Variants in GDAP1 observed in about 807,000 individuals in gnomAD.
The protein encoded by GDAP1 is ganglioside-induced differentiation-associated protein 1.
In GDAP1, 34 loss-of-function variants were observed where a neutral mutation model predicts 40.1. The observed-to-expected ratio is 0.85, with a 90% CI of 0.64 to 1.13. The LOEUF (loss-of-function observed/expected upper bound fraction) is 1.13. GDAP1 is among the 50% of genes most tolerant of loss of function. GDAP1 has a pLI of 0.00. For missense variants in GDAP1, 374 were observed against 433.7 expected, an observed-to-expected ratio of 0.86 and a Z score of 1.22; for synonymous variants, 170 against 157.4, an observed-to-expected ratio of 1.08 and a Z score of -0.60.
At chr8:74,448,826 A>G (rs912967419) in intron 2 of GDAP1, among the ~76,000 whole-genome samples, 2 of 152,070 alleles carry the variant, frequency 1.3e-5, no homozygotes, top group Non-Finnish European at 2.9e-5. Context: ...ATGCATTACA[A>G]GTATTTTCTC....
intron 2 of GDAP1, among the ~76,000 whole-genome samples, chr8:74,478,847 C>T (rs76709820): frequency 0.32 from 49,378 of 151,948 alleles, 9,340 homozygotes; most frequent in Non-Finnish European, 0.41. Context: ...ATGGTGAGAG[C>T]GGTTGCTCTT....
At chr8:74,422,347 TTCTTC>T (rs1563465520) in intron 2 of GDAP1, among the ~76,000 whole-genome samples, 1,653 of 40,392 alleles carry the variant, frequency 0.041, 34 homozygotes, top group African/African-American at 0.11. Context: ...CTTTCTTTCT[TTCTTC>T]CCTTCCTTCC....
chr8:74,383,857 TCAC>T (rs1809989183), intron 2 of GDAP1, among the ~76,000 whole-genome samples: 1 of 152,074 alleles, frequency 6.6e-6, no homozygotes, highest in South Asian at 2.1e-4. Context: ...ACACATACAC[TCAC>T]AAATATAACA....
chr8:74,353,506 C>T (rs1808970363), intron 2 of GDAP1, among the ~76,000 whole-genome samples: 1 of 126,984 alleles, frequency 7.9e-6, no homozygotes, highest in South Asian at 2.9e-4. Context: ...TTAAAAACAG[C>T]GTTATCACAA....
At chr8:74,424,047 G>C (rs929537192) in intron 2 of GDAP1, among the ~76,000 whole-genome samples, 4 of 152,038 alleles carry the variant, frequency 2.6e-5, no homozygotes, top group Admixed American at 2.6e-4. Flanking sequence ...GTGGGGGATT[G>C]GTTCCAGGAC....
chr8:74,469,598 A>AG (rs1806519519), intron 2 of GDAP1, among the ~76,000 whole-genome samples: 12 of 146,390 alleles, frequency 8.2e-5, no homozygotes, highest in South Asian at 2.2e-4. Context: ...AACCCCGGGG[A>AG]GCGGAGCTTG....
intron 2 of GDAP1, among the ~76,000 whole-genome samples, chr8:74,428,257 C>T (rs1486668416): frequency 6.6e-6 from 1 of 151,086 alleles, no homozygotes; most frequent in African/African-American, 2.5e-5. Context: ...ACAACAATAA[C>T]AACAACAACA....
At chr8:74,397,758 G>A (rs1810234470) in intron 2 of GDAP1, among the ~76,000 whole-genome samples, 3 of 152,106 alleles carry the variant, frequency 2.0e-5, no homozygotes, top group Admixed American at 6.5e-5. Flanking sequence ...GGTTACTGTA[G>A]CCTTGTAGTA....
At chr8:74,370,227 C>T (rs183212028), downstream of GDAP1, among the ~76,000 whole-genome samples, 111 of 152,106 alleles carry the variant, frequency 7.3e-4, no homozygotes, top group Non-Finnish European at 1.3e-3. Flanking sequence ...CTGTTTAGAA[C>T]AAGAATAATA....
chr8:74,486,336 C>T (rs559970270), intron 2 of GDAP1, among the ~76,000 whole-genome samples: 7 of 152,298 alleles, frequency 4.6e-5, no homozygotes, highest in African/African-American at 1.7e-4. Context: ...CAGGCGGTCA[C>T]TCTATTTTGC....
intron 1 of GDAP1, 40 bp downstream of exon 1, chr8:74,350,618 G>C (rs1490470202): frequency 8.1e-7 from 1 of 1,231,330 alleles, no homozygotes; most frequent in South Asian, 1.2e-5. Flanking sequence ...CGCGGATCGG[G>C]CTTCAGCACT....
At chr8:74,382,707 G>T (rs1421693316) in intron 2 of GDAP1, among the ~76,000 whole-genome samples, 2 of 151,998 alleles carry the variant, frequency 1.3e-5, no homozygotes, top group Non-Finnish European at 2.9e-5. Flanking sequence ...ACAAATGGAA[G>T]GCTGGAGCTT....
At position 74,364,382 on chromosome 8, in the gene GDAP1, TGTC is replaced by T; in HGVS notation, c.*18_*20del. ...ATTATTTCTAGGTTTGTTGGGATCT[TGTC>T]GTGGCAGCTCATCCAAGCATTTAGC... is the stretch of plus-strand genomic sequence containing the variant. On this transcript the variant is annotated 3_prime_UTR_variant, in exon 6 of 6. Coordinates refer to ENST00000220822, the MANE Select transcript of GDAP1 (RefSeq NM_018972.4). 1.9e-6 allele frequency: 3 copies of T among 1,610,030 alleles called. No individual in the cohort carries two copies. Among genetic ancestry groups the T allele is most frequent in the South Asian group, 2.2e-5 (2 of 91,068 alleles).
chr8:74,382,274 C>T (rs771424977), intron 2 of GDAP1, among the ~76,000 whole-genome samples: 9 of 151,398 alleles, frequency 5.9e-5, no homozygotes, highest in Non-Finnish European at 1.3e-4. Flanking sequence ...ACTTCATGCT[C>T]GTGTTTTACA....
chr8:74,363,943 G>C (rs1809493606), intron 5 of GDAP1, 42 bp from the exon 6 acceptor site: 3 of 1,592,780 alleles, frequency 1.9e-6, no homozygotes, highest in East Asian at 4.5e-5. Flanking sequence ...TCTGTCTGTA[G>C]AGTGCTTGCC....
intron 2 of GDAP1, among the ~76,000 whole-genome samples, chr8:74,444,449 G>A (rs1479258642): frequency 6.6e-6 from 1 of 152,182 alleles, no homozygotes; most frequent in Admixed American, 6.6e-5. Context: ...TTCTAGGGTA[G>A]TAAAAGTTCA....
chr8:74,447,350 T>C (rs537976288), intron 2 of GDAP1, among the ~76,000 whole-genome samples: 11 of 152,240 alleles, frequency 7.2e-5, no homozygotes, highest in African/African-American at 2.4e-4. Context: ...AAATAGAAAA[T>C]GGGGTCCATT....
intron 2 of GDAP1, among the ~76,000 whole-genome samples, chr8:74,404,396 C>T (rs535956819): frequency 4.7e-5 from 7 of 148,972 alleles, no homozygotes; most frequent in Admixed American, 6.6e-5. Flanking sequence ...TACTATGTGC[C>T]GGGCCATTTA....
intron 2 of GDAP1, among the ~76,000 whole-genome samples, chr8:74,479,384 C>T (rs1022200535): frequency 1.3e-5 from 2 of 152,110 alleles, no homozygotes; most frequent in African/African-American, 2.4e-5. Flanking sequence ...ATTTTTCCCA[C>T]TTAGCTTTCA....
Sources: allele counts gnomAD v4.1 joint callset (sites outside exome capture counted in the v4.1 genomes callset), GRCh38; gene constraint gnomAD v4.1.1; transcripts MANE v1.5; gene names NCBI Gene and HGNC (gene_info 2026-07-23, HGNC 2026-07-21).